The following CNTNAP2 variants were observed in gnomAD, a reference collection of about 807,000 sequenced individuals.
The protein encoded by CNTNAP2 is contactin-associated protein-like 2.
A neutral mutation model predicts 155.2 loss-of-function variants in CNTNAP2; 98 were observed. The ratio of observed to expected loss-of-function variants is 0.63; its 90% CI spans 0.54 to 0.75. CNTNAP2 has a LOEUF of 0.75. Ranked by LOEUF, CNTNAP2 falls within the 30% of genes least tolerant of loss-of-function variation. CNTNAP2 has a pLI of 0.00. For missense variants in CNTNAP2, 1,727 were observed against 1,688.1 expected, an observed-to-expected ratio of 1.02 and a Z score of -0.40; for synonymous variants, 651 against 631.2, an observed-to-expected ratio of 1.03 and a Z score of -0.47.
At chr7:146,909,020 A>AAT (rs1459449154) in intron 3 of CNTNAP2, among the ~76,000 whole-genome samples, 1 of 151,090 alleles carries the variant, frequency 6.6e-6, no homozygotes, top group Non-Finnish European at 1.5e-5. Flanking sequence ...GAATACTACA[A>AAT]ACACCTCTAC....
intron 3 of CNTNAP2, among the ~76,000 whole-genome samples, chr7:146,894,448 T>C (rs1236861344): frequency 6.6e-6 from 1 of 152,126 alleles, no homozygotes; most frequent in African/African-American, 2.4e-5. Flanking sequence ...GTTGTTTTGT[T>C]TTTCTTGTTT....
intron 1 of CNTNAP2, among the ~76,000 whole-genome samples, chr7:146,253,538 T>C (rs1032801631): frequency 6.6e-6 from 1 of 152,256 alleles, no homozygotes; most frequent in Non-Finnish European, 1.5e-5. Context: ...TCCTATTTTA[T>C]TTTATATTCC....
intron 13 of CNTNAP2, among the ~76,000 whole-genome samples, chr7:147,881,110 C>T (rs1799513100): frequency 6.6e-6 from 1 of 152,020 alleles, no homozygotes; most frequent in African/African-American, 2.4e-5. Context: ...TCTCTGATAT[C>T]CTGTATTTTT....
At chr7:146,826,032 A>AT (rs965037508) in intron 2 of CNTNAP2, among the ~76,000 whole-genome samples, 80 of 151,974 alleles carry the variant, frequency 5.3e-4, no homozygotes, top group African/African-American at 1.9e-3. Context: ...GCTATTCTGC[A>AT]TTTTTTTCCA....
intron 8 of CNTNAP2, among the ~76,000 whole-genome samples, chr7:147,219,232 A>T (rs941897856): frequency 6.6e-6 from 1 of 152,172 alleles, no homozygotes; most frequent in Non-Finnish European, 1.5e-5. Flanking sequence ...TGTATATATG[A>T]AGGGGAGTTT....
chr7:147,922,272 C>A (rs1800296170), intron 14 of CNTNAP2, among the ~76,000 whole-genome samples: 1 of 152,202 alleles, frequency 6.6e-6, no homozygotes, highest in Admixed American at 6.5e-5. Flanking sequence ...CCTCACATTT[C>A]TAAATGTATG....
rs367573845 is a variant in CNTNAP2 at position 147,414,200 on chromosome 7, C to T, written c.1670+18420C>T. 1.3e-3 allele frequency among the ~76,000 whole-genome samples: 201 copies of T among 151,392 alleles called. 5 individuals carry two copies. The Middle Eastern group carries it at 0.034, about 26-fold the overall frequency. On this transcript the variant is annotated intron_variant, in intron 10 of 23. Transcript: ENST00000361727. ...AGCACTTTGGGAGGCCAAGGCAGGCCGATCGCTTGCGATCAGGAGTTCGAG... is the reference window on the plus strand; with the variant it reads ...AGCACTTTGGGAGGCCAAGGCAGGCTGATCGCTTGCGATCAGGAGTTCGAG...
chr7:148,100,605 C>T (rs1804077978), intron 15 of CNTNAP2, among the ~76,000 whole-genome samples: 1 of 152,192 alleles, frequency 6.6e-6, no homozygotes, highest in Admixed American at 6.6e-5. Context: ...CTGAAAATAG[C>T]TTGTCCCTTA....
intron 10 of CNTNAP2, among the ~76,000 whole-genome samples, chr7:147,406,213 G>C (rs1420585609): frequency 1.3e-5 from 2 of 152,124 alleles, no homozygotes; most frequent in Non-Finnish European, 2.9e-5. Context: ...GGAGAGGAGA[G>C]GAGGGGAGGA....
chr7:148,299,661 A>G (rs2116496755), intron 21 of CNTNAP2, among the ~76,000 whole-genome samples: 1 of 152,344 alleles, frequency 6.6e-6, no homozygotes, highest in Non-Finnish European at 1.5e-5. Flanking sequence ...TAATTAACTC[A>G]GCCTTATTTT....
chr7:147,300,817 C>T (rs1237905435), intron 9 of CNTNAP2, among the ~76,000 whole-genome samples: 1 of 152,006 alleles, frequency 6.6e-6, no homozygotes. Flanking sequence ...TGGGATGCCT[C>T]AGTTCTCTGT....
At chr7:147,140,592 G>T (rs1161989533) in intron 8 of CNTNAP2, among the ~76,000 whole-genome samples, 1 of 151,994 alleles carries the variant, frequency 6.6e-6, no homozygotes, top group African/African-American at 2.4e-5. Flanking sequence ...TGTATTCTTT[G>T]TCATCAAATT....
intron 3 of CNTNAP2, among the ~76,000 whole-genome samples, chr7:146,925,521 T>G (rs1796590229): frequency 6.6e-6 from 1 of 152,118 alleles, no homozygotes; most frequent in African/African-American, 2.4e-5. Context: ...ATTTGTTAAT[T>G]ATGTTGTTAT....
intron 13 of CNTNAP2, among the ~76,000 whole-genome samples, chr7:147,737,306 TG>T (rs1377436953): frequency 1.3e-5 from 2 of 152,302 alleles, no homozygotes; most frequent in African/African-American, 2.4e-5. Flanking sequence ...CCTGTTTGCC[TG>T]GGTATCAGCA....
chr7:148,349,245 C>T (rs762429338), intron 21 of CNTNAP2, among the ~76,000 whole-genome samples: 9 of 151,934 alleles, frequency 5.9e-5, no homozygotes, highest in East Asian at 1.9e-4. Context: ...TTTGAAGGAA[C>T]CAGATCTAAA....
chr7:146,490,833 A>C (rs1217168353), intron 1 of CNTNAP2, among the ~76,000 whole-genome samples: 1 of 152,196 alleles, frequency 6.6e-6, no homozygotes, highest in Non-Finnish European at 1.5e-5. Flanking sequence ...TTCAATGAGC[A>C]ATAAGATTCT....
intron 12 of CNTNAP2, among the ~76,000 whole-genome samples, chr7:147,598,840 G>A (rs191101431): frequency 1.9e-4 from 29 of 152,162 alleles, no homozygotes; most frequent in African/African-American, 7.0e-4. Flanking sequence ...AGAGCTGATG[G>A]TTTTATAAGG....
chr7:147,758,768 C>T (rs1797255554), intron 13 of CNTNAP2, among the ~76,000 whole-genome samples: 2 of 152,030 alleles, frequency 1.3e-5, no homozygotes, highest in Admixed American at 6.6e-5. Flanking sequence ...TCACTTGAGC[C>T]CAGGAGGCAG....
At chr7:146,809,076 T>A (rs960990046) in intron 2 of CNTNAP2, among the ~76,000 whole-genome samples, 6 of 152,220 alleles carry the variant, frequency 3.9e-5, no homozygotes, top group Non-Finnish European at 8.8e-5. Flanking sequence ...TTTTTAGATT[T>A]GTACCCAGAA....
Sources: allele counts gnomAD v4.1 joint callset (sites outside exome capture counted in the v4.1 genomes callset), GRCh38; gene constraint gnomAD v4.1.1; transcripts MANE v1.5; gene names NCBI Gene and HGNC (gene_info 2026-07-23, HGNC 2026-07-21).